MAGI2: variants seen among roughly 807,000 people sequenced by gnomAD.
The protein encoded by MAGI2 is membrane-associated guanylate kinase, WW and PDZ domain-containing protein 2.
Under a neutral mutation model 133.3 loss-of-function variants are expected in MAGI2, and 35 were observed. That is an observed-to-expected ratio of 0.26 (90% confidence interval 0.20 to 0.35). The LOEUF (loss-of-function observed/expected upper bound fraction) is 0.35, where lower values mean the gene tolerates loss of function less well. MAGI2 is among the 10% of genes least tolerant of loss of function. The pLI is 1.00. For missense variants in MAGI2, 1,636 were observed against 1,863.4 expected, an observed-to-expected ratio of 0.88 and a Z score of 2.25; for synonymous variants, 729 against 710.6, an observed-to-expected ratio of 1.03 and a Z score of -0.41.
intron 2 of MAGI2, among the ~76,000 whole-genome samples, chr7:78,756,425 G>A (rs2151289722): frequency 6.6e-6 from 1 of 152,128 alleles, no homozygotes; most frequent in East Asian, 1.9e-4. Context: ...AATATATTTA[G>A]TTATTTTTTT....
At chr7:79,345,786 T>G (rs1425628982) in intron 1 of MAGI2, among the ~76,000 whole-genome samples, 2 of 152,102 alleles carry the variant, frequency 1.3e-5, no homozygotes, top group Non-Finnish European at 2.9e-5. Context: ...TTTTGAAATA[T>G]GTAGTCATAA....
intron 2 of MAGI2, among the ~76,000 whole-genome samples, chr7:78,669,874 C>T (rs1406563262): frequency 2.0e-5 from 3 of 151,640 alleles, no homozygotes; most frequent in East Asian, 1.9e-4. Context: ...TTCAACAACC[C>T]TTCATGCTAA....
chr7:78,754,636 T>G (rs893743783), intron 2 of MAGI2, among the ~76,000 whole-genome samples: 1 of 152,166 alleles, frequency 6.6e-6, no homozygotes, highest in Non-Finnish European at 1.5e-5. Flanking sequence ...ATCAGCCAAT[T>G]AGATATTCTG....
intron 2 of MAGI2, among the ~76,000 whole-genome samples, chr7:78,674,454 A>C (rs1814763607): frequency 6.6e-6 from 1 of 151,652 alleles, no homozygotes; most frequent in Admixed American, 6.6e-5. Flanking sequence ...ATGCTTCAAA[A>C]CTAAACATTC....
chr7:78,686,177 G>A (rs2151108441), intron 2 of MAGI2, among the ~76,000 whole-genome samples: 1 of 151,638 alleles, frequency 6.6e-6, no homozygotes, highest in African/African-American at 2.4e-5. Flanking sequence ...GAGGACTGAG[G>A]TAAGCTTTTC....
chr7:78,157,737 T>G lies in MAGI2; in HGVS notation c.2845+2288A>C, dbSNP rs149460937. 4.1e-4 allele frequency among the ~76,000 whole-genome samples: 62 copies of G among 152,346 alleles called. 1 individual carries two copies. The East Asian group carries it at 9.8e-3, about 24-fold the overall frequency. ...TGTGAACACCTTCCTCAAGTGTAAATTATTGGAAGGCTGTTTATATAATTC... is the reference window on the plus strand; with the variant it reads ...TGTGAACACCTTCCTCAAGTGTAAAGTATTGGAAGGCTGTTTATATAATTC... On this transcript the variant is annotated intron_variant, in intron 16 of 21. Transcript: ENST00000354212.
intron 2 of MAGI2, among the ~76,000 whole-genome samples, chr7:78,783,893 C>G (rs1461917746): frequency 6.6e-6 from 1 of 152,218 alleles, no homozygotes; most frequent in Non-Finnish European, 1.5e-5. Flanking sequence ...TGGCCTACTT[C>G]TTTAAAATGT....
chr7:79,076,474 A>G (rs1270019304), intron 1 of MAGI2, among the ~76,000 whole-genome samples: 2 of 152,218 alleles, frequency 1.3e-5, no homozygotes, highest in East Asian at 3.8e-4. Context: ...ACAATGATAG[A>G]GCTTAGCAGG....
intron 1 of MAGI2, among the ~76,000 whole-genome samples, chr7:79,059,961 T>C (rs918686318): frequency 3.9e-5 from 6 of 152,134 alleles, no homozygotes; most frequent in African/African-American, 1.4e-4. Flanking sequence ...AATCCTATGT[T>C]GTACATCTAA....
intron 1 of MAGI2, among the ~76,000 whole-genome samples, chr7:79,388,386 C>A (rs538224357): frequency 6.6e-6 from 1 of 151,894 alleles, no homozygotes; most frequent in Admixed American, 6.6e-5. Flanking sequence ...TCAACATATA[C>A]CAATACTTAG....
intron 18 of MAGI2, among the ~76,000 whole-genome samples, chr7:78,130,138 G>GAAGAAGCA (rs1292424744): frequency 6.6e-6 from 1 of 151,944 alleles, no homozygotes; most frequent in Non-Finnish European, 1.5e-5. Context: ...CTCTTCTGTT[G>GAAGAAGCA]TTTTCAACAA....
intron 7 of MAGI2, chr7:78,350,258 C>T (rs1791369139): frequency 6.6e-6 from 1 of 152,194 alleles, no homozygotes. Context: ...ACTCTCTCCT[C>T]TCACCATGGA....
intron 9 of MAGI2, among the ~76,000 whole-genome samples, chr7:78,331,088 T>A (rs1012743810): frequency 3.9e-5 from 6 of 152,188 alleles, no homozygotes; most frequent in Non-Finnish European, 7.3e-5. Flanking sequence ...GAGGCCACTG[T>A]CCTAAGTGAA....
intron 1 of MAGI2, among the ~76,000 whole-genome samples, chr7:79,263,048 C>T (rs1834191553): frequency 6.6e-6 from 1 of 152,048 alleles, no homozygotes; most frequent in African/African-American, 2.4e-5. Flanking sequence ...CATTTCCAAG[C>T]TTGTTTAGAA....
At chr7:78,072,002 A>T (rs1364279596) in intron 21 of MAGI2, among the ~76,000 whole-genome samples, 2 of 152,164 alleles carry the variant, frequency 1.3e-5, no homozygotes, top group Non-Finnish European at 2.9e-5. Context: ...TTTATTGAGG[A>T]GGCACGTCAG....
intron 6 of MAGI2, among the ~76,000 whole-genome samples, chr7:78,391,505 C>G (rs114490365): frequency 2.9e-3 from 447 of 152,274 alleles, no homozygotes; most frequent in African/African-American, 0.01. Flanking sequence ...TTGACAGCAT[C>G]AGAAAGAAAC....
intron 2 of MAGI2, among the ~76,000 whole-genome samples, chr7:78,991,312 A>G (rs1225590496): frequency 6.7e-6 from 1 of 149,274 alleles, no homozygotes; most frequent in Non-Finnish European, 1.5e-5. Flanking sequence ...TAATAGACAC[A>G]CACATACACA....
At chr7:79,435,611 A>C (rs1156982770) in intron 1 of MAGI2, among the ~76,000 whole-genome samples, 1 of 74,378 alleles carries the variant, frequency 1.3e-5, no homozygotes, top group Non-Finnish European at 2.7e-5. Context: ...TGAACTGAGA[A>C]GGTACCTATA....
At chr7:79,406,012 T>C (rs1845782867) in intron 1 of MAGI2, among the ~76,000 whole-genome samples, 1 of 151,694 alleles carries the variant, frequency 6.6e-6, no homozygotes, top group East Asian at 1.9e-4. Flanking sequence ...GATAAAAGAT[T>C]TCTTTCCTCA....
Sources: gnomAD v4.1 joint callset for allele counts (sites outside exome capture counted in the v4.1 genomes callset) on GRCh38, gnomAD v4.1.1 for gene constraint, MANE v1.5 for transcripts, NCBI Gene and HGNC (gene_info 2026-07-23, HGNC 2026-07-21) for gene names.